The following ACBD5 variants were observed in gnomAD, a reference collection of about 807,000 sequenced individuals.
ACBD5 encodes the protein acyl-CoA binding domain containing 5.
Under a neutral mutation model 71.8 loss-of-function variants are expected in ACBD5, and 40 were observed. The observed-to-expected ratio is 0.56, with a 90% CI of 0.43 to 0.72. ACBD5 has a LOEUF of 0.72. Ranked by LOEUF, ACBD5 falls within the 30% of genes least tolerant of loss-of-function variation. The pLI, the probability that ACBD5 is intolerant of heterozygous loss-of-function variation, is 0.00. For missense variants in ACBD5, 559 were observed against 644.5 expected, an observed-to-expected ratio of 0.87 and a Z score of 1.44; for synonymous variants, 229 against 218.6, an observed-to-expected ratio of 1.05 and a Z score of -0.42.
At chr10:27,238,713 C>A (rs749691254) in intron 2 of ACBD5, among the ~76,000 whole-genome samples, 7 of 152,074 alleles carry the variant, frequency 4.6e-5, no homozygotes, top group Non-Finnish European at 8.8e-5. Flanking sequence ...ATTTCTGAAT[C>A]TGCATTTAAT....
At chr10:27,189,689 A>G (rs943335754) in intron 13 of ACBD5, among the ~76,000 whole-genome samples, 8 of 151,354 alleles carry the variant, frequency 5.3e-5, no homozygotes, top group Non-Finnish European at 1.2e-4. Context: ...TGGGTGCAGC[A>G]CACCAACATG....
chr10:27,194,988 CTG>C (rs1182147079), downstream of ACBD5, among the ~76,000 whole-genome samples: 3 of 152,056 alleles, frequency 2.0e-5, no homozygotes, highest in East Asian at 3.9e-4. Flanking sequence ...GAGCGAGACT[CTG>C]TCTCAAAAAA....
rs1008546471 is a variant in ACBD5 at position 27,195,750 on chromosome 10, A to T, written c.*1680T>A. On this transcript the variant is annotated 3_prime_UTR_variant, in exon 13 of 13. Transcript: ENST00000396271. ...TAATTAAAGTTATTTGAAAGAAAAA[A>T]ATAAGGAAAAAGAGTTTGGGAAAAG... 2.4e-6 allele frequency: 1 copy of T among 415,654 alleles called. No individual in the cohort carries two copies. The highest frequency in any genetic ancestry group is 4.6e-6 in the Non-Finnish European group (1 of 216,140). The allele number at this position is 415,654 out of a possible 1,614,324, so 25.7% of individuals were successfully genotyped here. A position where few individuals can be genotyped will look rare whatever the true frequency, so the allele number is the denominator to read the frequency against.
At chr10:27,223,526 C>T in intron 4 of ACBD5, 74 bp from the exon 5 acceptor site, 1 of 1,076,684 alleles carries the variant, frequency 9.3e-7, no homozygotes. Flanking sequence ...AAATAATCTC[C>T]TATTTCCAAT....
At chr10:27,215,843 G>A (rs1346583175) in intron 7 of ACBD5, among the ~76,000 whole-genome samples, 2 of 151,626 alleles carry the variant, frequency 1.3e-5, no homozygotes, top group African/African-American at 4.8e-5. Context: ...GGGATTACAG[G>A]TGCCCACCAC....
rs1211176153 is a variant in ACBD5 at position 27,218,137 on chromosome 10, G to A, written c.672C>T (p.Val224=). The change falls in exon 7 of 13, where the codon GTC becomes GTT. Residue 224 remains valine, a synonymous_variant. Transcript: ENST00000396271. ...CTTTATCATAGCCATTAGTGACAATGACTTCCAAATTCTTATGGTCTGCTG... is the reference window on the plus strand; with the variant it reads ...CTTTATCATAGCCATTAGTGACAATAACTTCCAAATTCTTATGGTCTGCTG... ...KKSADHKNLE[V]IVTNGYDKDG... 1.2e-6 allele frequency: 2 copies of A among 1,613,970 alleles called. No individual in the cohort carries two copies. Among genetic ancestry groups the A allele is most frequent in the Non-Finnish European group, 1.7e-6 (2 of 1,179,996 alleles).
Position 27,211,096 on chromosome 10 carries a change from T to C in ACBD5, c.937-15A>G. 6.2e-7 allele frequency: 1 copy of C among 1,613,758 alleles called. No homozygotes were observed. The highest frequency in any genetic ancestry group is 8.5e-7 in the Non-Finnish European group (1 of 1,179,852). On this transcript the variant is annotated splice_polypyrimidine_tract_variant and intron_variant, in intron 8 of 12. Transcript: ENST00000396271. The stretch of plus-strand genomic sequence containing the variant: ...CTGTCTAAAGACTACAAATTAGAAA[T>C]GACACTTAGTTAAAAGCTAGAAATG...
At chr10:27,219,927 C>CTATTTGTATTTG in intron 5 of ACBD5, 70 bp from the exon 6 acceptor site, 2 of 1,429,708 alleles carry the variant, frequency 1.4e-6, no homozygotes, top group East Asian at 4.9e-5. Flanking sequence ...CCAAGTAATA[C>CTATTTGTATTTG]TAATAAAATT....
At position 27,240,680 on chromosome 10, in the gene ACBD5, G is replaced by A; in HGVS notation, c.9C>T (p.Phe3=). 6.4e-7 allele frequency: 1 copy of A among 1,551,022 alleles called. No homozygotes were observed. The highest frequency in any genetic ancestry group is 1.2e-5 in the South Asian group (1 of 84,056). Residue 3 remains phenylalanine, a synonymous_variant, in exon 1 of 13, where the codon TTC becomes TTT. Transcript: ENST00000396271. This position sits in a 1 kb window ranked among gnomAD's most constrained non-coding sequence, Gnocchi z 4.1. ML[F]LSFHAGSWES... ...CGACAGCAAAACAACTCACCGAGAG[G>A]AAGAGCATGTCTAGCAGAAGACAGA...
rs1249810168 is a variant in ACBD5 at position 27,240,210 on chromosome 10, C to T, written c.181+109G>A. 11 of 1,566,048 alleles carry T rather than the reference C, an allele frequency of 7.0e-6. No individual in the cohort carries two copies. The highest frequency in any genetic ancestry group is 1.4e-5 in the African/African-American group (1 of 73,984). On this transcript the variant is annotated intron_variant, in intron 2 of 12. Transcript: ENST00000396271. This position sits in a 1 kb window ranked among gnomAD's most constrained non-coding sequence, Gnocchi z 4.1. ...CAATAGCTCCCCTTCCACTACATGG[C>T]TCCTACACAGAAAAAAAGGCTAAAT...
intron 7 of ACBD5, among the ~76,000 whole-genome samples, chr10:27,217,768 TGC>T (rs2061833565): frequency 6.6e-6 from 1 of 152,212 alleles, no homozygotes. Flanking sequence ...ACTATGCCAC[TGC>T]ACTCCAGCCT....
rs117271336 is a variant in ACBD5, at chr10:27,233,594, T to C, written c.302+1498A>G. 4.3e-4 allele frequency among the ~76,000 whole-genome samples: 66 copies of C among 151,996 alleles called. 2 individuals are homozygous for C. The East Asian group carries it at 0.013, about 29-fold the overall frequency. On this transcript the variant is annotated intron_variant, in intron 3 of 12. Coordinates refer to ENST00000396271, the MANE Select transcript of ACBD5 (RefSeq NM_145698.5). ...TTAGCCGGGTGTGGTGGCACAAGCA[T>C]GTGGTCCCAGCTACTAGGGCGGCTG...
chr10:27,209,309 T>C (rs904572515), intron 9 of ACBD5, among the ~76,000 whole-genome samples: 1 of 152,086 alleles, frequency 6.6e-6, no homozygotes, highest in Non-Finnish European at 1.5e-5. Flanking sequence ...GTTTGTTTAA[T>C]TACATTATAA....
intron 12 of ACBD5, among the ~76,000 whole-genome samples, chr10:27,202,617 C>G (rs1276370483): frequency 1.3e-5 from 2 of 151,982 alleles, no homozygotes; most frequent in African/African-American, 2.4e-5. Context: ...AAGTAATAAG[C>G]TGCTTCCATC....
intron 4 of ACBD5, among the ~76,000 whole-genome samples, chr10:27,228,791 T>G (rs550551427): frequency 5.0e-4 from 11 of 22,134 alleles, no homozygotes; most frequent in South Asian, 1.6e-3. Flanking sequence ...CCTATTATGT[T>G]TATATATATA....
At chr10:27,231,018 G>T (rs17531310) in intron 4 of ACBD5, among the ~76,000 whole-genome samples, 117,173 of 151,270 alleles carry the variant, frequency 0.77, 45,616 homozygotes, top group African/African-American at 0.86. Flanking sequence ...AACAGTCCAG[G>T]GAAAAGAATA....
intron 4 of ACBD5, among the ~76,000 whole-genome samples, chr10:27,223,663 T>G (rs993815133): frequency 1.3e-5 from 2 of 152,162 alleles, no homozygotes; most frequent in African/African-American, 4.8e-5. Context: ...CCCAGCACTT[T>G]GGGAGGCCAA....
intron 4 of ACBD5, among the ~76,000 whole-genome samples, chr10:27,228,269 T>TATAAA (rs373418049): frequency 1.1e-4 from 2 of 17,842 alleles, no homozygotes; most frequent in African/African-American, 2.5e-4. Context: ...CCTAAATTTG[T>TATAAA]ACAAAAAAAA....
chr10:27,209,358 C>T (rs1564598852), intron 9 of ACBD5, among the ~76,000 whole-genome samples: 1 of 152,050 alleles, frequency 6.6e-6, no homozygotes, highest in Non-Finnish European at 1.5e-5. Context: ...GTTTCTGAGA[C>T]AGTCTCACTC....
Sources: allele counts gnomAD v4.1 joint callset (sites outside exome capture counted in the v4.1 genomes callset), GRCh38; gene constraint gnomAD v4.1.1; non-coding constraint Gnocchi (gnomAD v3.1); transcripts MANE v1.5; gene names NCBI Gene and HGNC (gene_info 2026-07-23, HGNC 2026-07-21).